Variants in ZNG1E observed in about 807,000 individuals in gnomAD.
ZNG1E encodes the protein zinc-regulated GTPase metalloprotein activator 1E.
At chr9:65,674,649 AT>A in the ZNG1E span, among the ~76,000 whole-genome samples, 1,672 of 150,568 alleles carry the variant, frequency 0.011, 3 homozygotes, top group African/African-American at 0.039. Context: ...TACTCAATTG[AT>A]TGGTGAAAAA....
chr9:65,667,458 A>T, the ZNG1E span, among the ~76,000 whole-genome samples: 1 of 152,286 alleles, frequency 6.6e-6, no homozygotes, highest in Non-Finnish European at 1.5e-5. Context: ...CCATAACTGA[A>T]GTAAACTAGT....
chr9:65,658,099 C>CAAA, the ZNG1E span, among the ~76,000 whole-genome samples: 110 of 47,252 alleles, frequency 2.3e-3, no homozygotes, highest in South Asian at 4.9e-3. Flanking sequence ...AACTCCGTCT[C>CAAA]AAAAAAAAAA....
At chr9:65,706,994 A>T in the ZNG1E span, 5 of 127,362 alleles carry the variant, frequency 3.9e-5, no homozygotes, top group African/African-American at 1.7e-4. Flanking sequence ...TTTTATTTTT[A>T]TTTATCTTTT....
At chr9:65,658,057 C>T in the ZNG1E span, among the ~76,000 whole-genome samples, 947 of 150,608 alleles carry the variant, frequency 6.3e-3, 1 homozygote, top group African/African-American at 0.022. Flanking sequence ...CGAGACCGCA[C>T]CATTGCACTC....
the ZNG1E span, among the ~76,000 whole-genome samples, chr9:65,665,233 C>T: frequency 1.3e-5 from 2 of 152,400 alleles, no homozygotes; most frequent in South Asian, 2.1e-4. Context: ...CCCCTCCCAT[C>T]ACAGGCCCAG....
the ZNG1E span, among the ~76,000 whole-genome samples, chr9:65,728,987 C>T: frequency 6.6e-6 from 1 of 150,878 alleles, no homozygotes; most frequent in African/African-American, 2.5e-5. Flanking sequence ...ATTCCAACAA[C>T]ATATCAAAAA....
chr9:65,715,177 AC>A, the ZNG1E span, among the ~76,000 whole-genome samples: 1 of 147,548 alleles, frequency 6.8e-6, no homozygotes, highest in African/African-American at 2.6e-5. Flanking sequence ...GCCGTCTGTC[AC>A]CCCTTTCTTT....
At chr9:65,687,587 A>G in the ZNG1E span, among the ~76,000 whole-genome samples, 1 of 151,688 alleles carries the variant, frequency 6.6e-6, no homozygotes, top group South Asian at 2.1e-4. Context: ...TTTTATTAGG[A>G]AGAATTTGTG....
chr9:65,681,175 A>G, the ZNG1E span, among the ~76,000 whole-genome samples: 1 of 152,050 alleles, frequency 6.6e-6, no homozygotes, highest in Non-Finnish European at 1.5e-5. Context: ...AAGAAGAATG[A>G]AAAGAAAAAG....
chr9:65,693,181 ACT>A, the ZNG1E span, among the ~76,000 whole-genome samples: 967 of 150,834 alleles, frequency 6.4e-3, no homozygotes, highest in African/African-American at 0.022. Context: ...TAGTAAGAAG[ACT>A]CTCTCCATTA....
At chr9:65,687,942 T>G in the ZNG1E span, among the ~76,000 whole-genome samples, 1 of 151,188 alleles carries the variant, frequency 6.6e-6, no homozygotes, top group Non-Finnish European at 1.5e-5. Flanking sequence ...ACATTTTCCT[T>G]GTTTATTACC....
At chr9:65,667,397 C>T in the ZNG1E span, among the ~76,000 whole-genome samples, 1 of 152,248 alleles carries the variant, frequency 6.6e-6, no homozygotes, top group Non-Finnish European at 1.5e-5. Flanking sequence ...TTATAAGTAA[C>T]CAGAACTGTT....
the ZNG1E span, among the ~76,000 whole-genome samples, chr9:65,684,358 GA>G: frequency 6.7e-6 from 1 of 150,266 alleles, no homozygotes; most frequent in Admixed American, 6.7e-5. Context: ...CCAACATGGT[GA>G]AATCCAGTCT....
At chr9:65,680,463 C>G in the ZNG1E span, among the ~76,000 whole-genome samples, 1 of 151,898 alleles carries the variant, frequency 6.6e-6, no homozygotes, top group Non-Finnish European at 1.5e-5. Context: ...ATCATTTTCA[C>G]AATTTTATTT....
At chr9:65,714,980 G>T in the ZNG1E span, among the ~76,000 whole-genome samples, 1 of 150,220 alleles carries the variant, frequency 6.7e-6, no homozygotes, top group Admixed American at 6.6e-5. Flanking sequence ...GGCAATGGCG[G>T]GCGCCCCTCC....
the ZNG1E span, among the ~76,000 whole-genome samples, chr9:65,668,079 G>A: frequency 8.9e-5 from 13 of 145,788 alleles, no homozygotes; most frequent in East Asian, 2.4e-3. Flanking sequence ...AGTGAAGAAA[G>A]CAAGCTCCAG....
the ZNG1E span, among the ~76,000 whole-genome samples, chr9:65,671,466 T>C: frequency 5.3e-5 from 8 of 151,942 alleles, no homozygotes; most frequent in African/African-American, 1.9e-4. Context: ...ACTACAGGCG[T>C]GTGCCACCAC....
the ZNG1E span, among the ~76,000 whole-genome samples, chr9:65,710,349 T>C: frequency 2.7e-5 from 4 of 148,594 alleles, no homozygotes; most frequent in Admixed American, 2.0e-4. Context: ...GCAGAAGCTG[T>C]TTAGTTTAAT....
the ZNG1E span, chr9:65,732,794 GA>G: frequency 7.0e-7 from 1 of 1,421,384 alleles, no homozygotes; most frequent in Admixed American, 3.0e-5. Context: ...ACAATACACA[GA>G]AACCTTTTTT....
Sources: gnomAD v4.1 joint callset for allele counts (sites outside exome capture counted in the v4.1 genomes callset) on GRCh38, gnomAD v4.1.1 for gene constraint, MANE v1.5 for transcripts, NCBI Gene and HGNC (gene_info 2026-07-23, HGNC 2026-07-21) for gene names.